The following ASIC2 variants were observed in gnomAD, a reference collection of about 807,000 sequenced individuals.
The protein encoded by ASIC2 is acid-sensing ion channel 2.
ASIC2 carries 25 observed loss-of-function variants against 57.3 expected under a neutral mutation model. The observed-to-expected ratio is 0.44, with a 90% CI of 0.32 to 0.61. The LOEUF is 0.61. Among genes scored for constraint, ASIC2 ranks in the 20% least tolerant of loss-of-function variants. ASIC2 has a pLI of 0.06. For missense variants in ASIC2, 641 were observed against 738.1 expected (o/e 0.87, Z 1.52); for synonymous variants, 319 against 307.5 (o/e 1.04, Z -0.39).
At chr17:33,778,919 T>C (rs1911364825) in intron 1 of ASIC2, among the ~76,000 whole-genome samples, 1 of 152,170 alleles carries the variant, frequency 6.6e-6, no homozygotes, top group Non-Finnish European at 1.5e-5. Flanking sequence ...TAACTTATGC[T>C]ATGTTTAAGT....
chr17:34,115,556 T>C lies in ASIC2; in HGVS notation c.555+40422A>G, dbSNP rs538464897. On this transcript the variant is annotated intron_variant, in intron 1 of 9. Coordinates refer to the ASIC2 transcript ENST00000359872. ...ATTAATTGATGGCTTTAATTGTTTT[T>C]CATTCATTCACTAATCCATTTGTTA... Among the ~76,000 whole-genome samples the C allele has an allele frequency of 3.8e-4, 58 of 152,338 alleles. 1 individual carries two copies. In the South Asian group the frequency reaches 9.7e-3, roughly 26 times the overall value.
At chr17:33,887,629 C>T (rs902800944) in intron 1 of ASIC2, among the ~76,000 whole-genome samples, 1 of 152,080 alleles carries the variant, frequency 6.6e-6, no homozygotes, top group African/African-American at 2.4e-5. Context: ...TCTGGGTGTA[C>T]ATTTCTAGAA....
At chr17:33,464,476 TTTTCTCTCTTTCTTTCTTTC>T (rs1174993485) in intron 1 of ASIC2, among the ~76,000 whole-genome samples, 34 of 71,960 alleles carry the variant, frequency 4.7e-4, no homozygotes, top group African/African-American at 1.9e-3. Context: ...TCTTTCTTTC[TTTTCTCTCTTTCTTTCTTTC>T]TTTCTTTCTT....
intron 1 of ASIC2, among the ~76,000 whole-genome samples, chr17:33,155,842 C>T (rs185150761): frequency 6.2e-4 from 94 of 152,172 alleles, no homozygotes; most frequent in African/African-American, 2.1e-3. Context: ...GCACCCGGTC[C>T]TCCACAGCCT....
In ASIC2 at chr17:33,692,484, C is replaced by G. The variant is rs527349492; in HGVS notation, c.555+463494G>C. 3.9e-5 allele frequency: 6 copies of G among 152,258 alleles called. No individual in the cohort carries two copies. In the East Asian group the frequency reaches 7.7e-4, roughly 20 times the overall value. The allele number at this position is 152,258 out of a possible 1,614,324, so 9.4% of individuals were successfully genotyped here. A position where few individuals can be genotyped will look rare whatever the true frequency, so the allele number is the denominator to read the frequency against. On this transcript the variant is annotated intron_variant, in intron 1 of 9. Coordinates refer to the ASIC2 transcript ENST00000359872. ...AACATAAGGTACTCTGGACAATAAA[C>G]AGTTATAAAAGTCTTGAACCAAACA...
At chr17:33,933,747 G>A (rs956148875) in intron 1 of ASIC2, among the ~76,000 whole-genome samples, 2 of 152,242 alleles carry the variant, frequency 1.3e-5, no homozygotes, top group Non-Finnish European at 2.9e-5. Context: ...GGAAAGAGCA[G>A]GTGTGAGGTC....
chr17:33,035,012 T>C (rs116515995), intron 3 of ASIC2, among the ~76,000 whole-genome samples: 2,130 of 152,298 alleles, frequency 0.014, 37 homozygotes, highest in African/African-American at 0.048. Flanking sequence ...TTCCCTTCCA[T>C]TAGTCTTTTT....
intron 1 of ASIC2, among the ~76,000 whole-genome samples, chr17:33,498,540 A>G (rs544283106): frequency 4.6e-5 from 7 of 152,284 alleles, no homozygotes; most frequent in African/African-American, 1.7e-4. Context: ...GCTGACAAGC[A>G]CTTGTGAGGA....
chr17:33,830,554 ATT>A (rs57348810), intron 1 of ASIC2, among the ~76,000 whole-genome samples: 10 of 151,090 alleles, frequency 6.6e-5, no homozygotes, highest in South Asian at 2.1e-4. Flanking sequence ...CATTAAAAAA[ATT>A]TTTTTTTTAC....
chr17:33,537,922 C>T (rs1915286581), intron 1 of ASIC2, among the ~76,000 whole-genome samples: 5 of 152,104 alleles, frequency 3.3e-5, no homozygotes, highest in Admixed American at 2.6e-4. Context: ...GTTAGGGCAC[C>T]AGAGAAAGCT....
Position 33,917,551 on chromosome 17 carries a change from C to T in ASIC2, c.555+238427G>A, listed in dbSNP as rs181569826. Among the ~76,000 whole-genome samples the T allele has an allele frequency of 1.6e-3, 247 of 152,274 alleles. 1 individual carries two copies. Among genetic ancestry groups the T allele is most frequent in the African/African-American group, 5.3e-3 (222 of 41,558 alleles). ...TGCTACCACTCTTGTTCCTGCTTTC[C>T]TTGCAATAACCTACTGAATAGTTCC... On this transcript the variant is annotated intron_variant, in intron 1 of 9. Transcript: ENST00000359872.
At position 33,737,973 on chromosome 17, in the gene ASIC2, T is replaced by C. The variant is rs182511781; in HGVS notation, c.555+418005A>G. ...AAACAAAAAAATAAATAAATAAAAA[T>C]AAAATGAACAAAATAAGGAATATGG... is the stretch of plus-strand genomic sequence containing the variant. On this transcript the variant is annotated intron_variant, in intron 1 of 9. Coordinates refer to the ASIC2 transcript ENST00000359872. Among the ~76,000 whole-genome samples the C allele has an allele frequency of 2.0e-5, 3 of 152,172 alleles. No homozygotes were observed. In the East Asian group the frequency reaches 5.8e-4, roughly 29 times the overall value.
chr17:33,518,004 A>G (rs1567637262), intron 1 of ASIC2, among the ~76,000 whole-genome samples: 1 of 152,218 alleles, frequency 6.6e-6, no homozygotes, highest in Non-Finnish European at 1.5e-5. Flanking sequence ...CTGGAAGTCC[A>G]GAGAGGGCAC....
chr17:33,304,678 A>C (rs1597674504), intron 1 of ASIC2, among the ~76,000 whole-genome samples: 1 of 152,284 alleles, frequency 6.6e-6, no homozygotes, highest in Admixed American at 6.5e-5. Flanking sequence ...TCCCCGCCTT[A>C]GTCTCAATCC....
chr17:33,098,758 A>G (rs1032225547), intron 2 of ASIC2, among the ~76,000 whole-genome samples: 2 of 151,864 alleles, frequency 1.3e-5, no homozygotes, highest in Non-Finnish European at 1.5e-5. Flanking sequence ...TTTCTTTTTC[A>G]TTTTTCATTT....
chr17:34,030,779 A>T (rs965626941), intron 1 of ASIC2, among the ~76,000 whole-genome samples: 5 of 152,204 alleles, frequency 3.3e-5, no homozygotes, highest in African/African-American at 7.2e-5. Flanking sequence ...GTCCGAGATC[A>T]AACTGCAAGG....
chr17:33,095,253 T>C (rs1567742714), intron 2 of ASIC2, among the ~76,000 whole-genome samples: 1 of 152,316 alleles, frequency 6.6e-6, no homozygotes, highest in South Asian at 2.1e-4. Flanking sequence ...CCATGTAGAC[T>C]GGCCCCTCCT....
chr17:33,318,310 C>A (rs1054726371), intron 1 of ASIC2, among the ~76,000 whole-genome samples: 1 of 152,130 alleles, frequency 6.6e-6, no homozygotes, highest in African/African-American at 2.4e-5. Flanking sequence ...TCTCCATTTG[C>A]ATGTGAGTTT....
chr17:33,778,234 C>G (rs1911341893), intron 1 of ASIC2, among the ~76,000 whole-genome samples: 1 of 152,124 alleles, frequency 6.6e-6, no homozygotes, highest in African/African-American at 2.4e-5. Flanking sequence ...AAAAAAAGCT[C>G]TTGCTTCAAA....
Sources: allele counts gnomAD v4.1 joint callset (sites outside exome capture counted in the v4.1 genomes callset), GRCh38; gene constraint gnomAD v4.1.1; transcripts MANE v1.5; gene names NCBI Gene and HGNC (gene_info 2026-07-23, HGNC 2026-07-21).